Variants in ECE2 observed in about 807,000 individuals in gnomAD.
ECE2 encodes the protein endothelin-converting enzyme 2.
ECE2 carries 81 observed loss-of-function variants against 100.6 expected under a neutral mutation model. The observed-to-expected ratio is 0.81, with a 90% CI of 0.67 to 0.97. The LOEUF is 0.97. Ranked by LOEUF, ECE2 falls within the 50% of genes least tolerant of loss-of-function variation. ECE2 has a pLI of 0.00. For missense variants in ECE2, 911 were observed against 988.1 expected, an observed-to-expected ratio of 0.92 and a Z score of 1.05; for synonymous variants, 391 against 391.5, an observed-to-expected ratio of 1.00 and a Z score of 0.02.
At chr3:184,290,406 G>T in intron 14 of ECE2, 48 bp downstream of exon 14, 3 of 1,594,258 alleles carry the variant, frequency 1.9e-6, no homozygotes, top group Non-Finnish European at 2.6e-6. Flanking sequence ...CAGGAGAGGT[G>T]GGGGAAGGTT....
Position 184,291,291 on chromosome 3 carries a change from G to A in ECE2, c.2026-53G>A, listed in dbSNP as rs774785169. The A allele has an allele frequency of 2.0e-5, 31 of 1,588,966 alleles. No individual in the cohort carries two copies. Among genetic ancestry groups the A allele is most frequent in the South Asian group, 1.5e-4 (13 of 87,108 alleles). ...CTGCTGGCCTGGGGTGAAAGGTGCC[G>A]GGTGGGTGGGGGCAGGCCTGGATGG... is the stretch of plus-strand genomic sequence containing the variant. On this transcript the variant is annotated intron_variant, in intron 17 of 18. Transcript: ENST00000404464. The surrounding 1 kb of genome is among the most constrained non-coding windows in gnomAD (Gnocchi z 4.1).
intron 7 of ECE2, 80 bp from the exon 8 acceptor site, chr3:184,283,705 G>A (rs1041091890): frequency 2.1e-5 from 30 of 1,436,058 alleles, no homozygotes; most frequent in South Asian, 6.7e-5. Context: ...GAGATATTGG[G>A]CAGAGGTGGT....
At chr3:184,283,398 T>C (rs903362644) in intron 7 of ECE2, among the ~76,000 whole-genome samples, 1 of 150,810 alleles carries the variant, frequency 6.6e-6, no homozygotes, top group African/African-American at 2.4e-5. Context: ...CCGTCTCTAC[T>C]AAAAATACAA....
chr3:184,290,118 G>A (rs976898125), intron 13 of ECE2, 137 bp from the exon 14 acceptor site: 4 of 692,434 alleles, frequency 5.8e-6, no homozygotes, highest in Non-Finnish European at 9.8e-6. Flanking sequence ...TTTAAATATT[G>A]CCAATTATGG....
intron 7 of ECE2, among the ~76,000 whole-genome samples, chr3:184,280,276 A>G (rs1011954273): frequency 8.5e-5 from 13 of 152,166 alleles, no homozygotes; most frequent in African/African-American, 3.1e-4. Context: ...GCTTGGTGCA[A>G]GTTGATTAAT....
Position 184,290,645 on chromosome 3 carries a change from T to G in ECE2, c.1744T>G (p.Phe582Val), listed in dbSNP as rs368472029. Reference sequence around the variant, plus strand: ...CCCCGCTGGCATCCTGCAGGCCCCCTTCTATGCCCGCAACCACCCCAAGTG... The same window carrying G: ...CCCCGCTGGCATCCTGCAGGCCCCCGTCTATGCCCGCAACCACCCCAAGTG... ...VFPAGILQAPFYARNHPKALN... is the reference protein window; with the variant it reads ...VFPAGILQAPVYARNHPKALN... The change falls in exon 15 of 19, where the codon TTC (phenylalanine) becomes GTC (valine). Residue 582 changes from phenylalanine to valine, a missense_variant. Coordinates refer to ENST00000404464, the MANE Select transcript of ECE2 (RefSeq NM_001100121.2). 1 of 1,613,952 alleles carries G rather than the reference T, an allele frequency of 6.2e-7. No individual in the cohort carries two copies. Among genetic ancestry groups the G allele is most frequent in the African/African-American group, 1.3e-5 (1 of 74,892 alleles).
chr3:184,291,930 A>G lies in ECE2; in HGVS notation c.2122-132A>G, dbSNP rs1215227016. On this transcript the variant is annotated intron_variant, in intron 18 of 18. Coordinates refer to ENST00000404464, the MANE Select transcript of ECE2 (RefSeq NM_001100121.2). This position sits in a 1 kb window ranked among gnomAD's most constrained non-coding sequence, Gnocchi z 4.1. ...GTCCATGCTGGGCAACCCGATGTCC[A>G]GGGCAGTTTTGGAAGGAACTTGGGA... is the stretch of plus-strand genomic sequence containing the variant. The G allele has an allele frequency of 9.7e-7, 1 of 1,033,834 alleles. No individual in the cohort carries two copies. Among genetic ancestry groups the G allele is most frequent in the Non-Finnish European group, 1.4e-6 (1 of 709,652 alleles). The allele number at this position is 1,033,834 out of a possible 1,614,324, so 64.0% of individuals were successfully genotyped here. A position where few individuals can be genotyped will look rare whatever the true frequency, so the allele number is the denominator to read the frequency against.
intron 7 of ECE2, among the ~76,000 whole-genome samples, chr3:184,282,452 T>C (rs1038740852): frequency 6.6e-6 from 1 of 152,122 alleles, no homozygotes; most frequent in African/African-American, 2.4e-5. Flanking sequence ...GGAGGAGGGT[T>C]AAGGGAATTG....
chr3:184,292,066 G>A lies in ECE2; in HGVS notation c.2126G>A (p.Trp709Ter). The A allele has an allele frequency of 6.2e-7, 1 of 1,611,698 alleles. No individual in the cohort carries two copies. Among genetic ancestry groups the A allele is most frequent in the South Asian group, 1.1e-5 (1 of 90,954 alleles). ...QLFFVGFAQV[W>*]CSVRTPESSH... is the part of the protein sequence containing the mutation. ...CATGTCTGTCCTGGCCCGCAGGTGTGGTGCTCGGTCCGCACACCAGAGAGC... is the reference window on the plus strand; with the variant it reads ...CATGTCTGTCCTGGCCCGCAGGTGTAGTGCTCGGTCCGCACACCAGAGAGC... Residue 709 changes from tryptophan to a stop codon, truncating the protein, a stop_gained, in exon 19 of 19, where the codon TGG (tryptophan) becomes TAG (stop). Transcript: ENST00000404464. LOFTEE classifies it high-confidence loss of function.
chr3:184,278,416 C>G, intron 6 of ECE2, 76 bp from the exon 7 acceptor site: 18 of 1,592,202 alleles, frequency 1.1e-5, no homozygotes, highest in South Asian at 4.6e-5. Context: ...CCGGCCCCAC[C>G]CCTACCCCCG....
chr3:184,276,119 G>A lies in ECE2; in HGVS notation c.-35G>A, dbSNP rs570076630. On this transcript the variant is annotated 5_prime_UTR_variant, in exon 1 of 19. Transcript: ENST00000404464. Reference sequence around the variant, plus strand: ...GCGGCCCGGGAGCGGGCCAGCTGCCGGGAGCCCTGAATCACCGCCTGGCCC... The same window carrying A: ...GCGGCCCGGGAGCGGGCCAGCTGCCAGGAGCCCTGAATCACCGCCTGGCCC... The A allele has an allele frequency of 3.8e-6, 5 of 1,307,216 alleles. No individual in the cohort carries two copies. The highest frequency in any genetic ancestry group is 4.6e-5 in the South Asian group (2 of 43,770). 81.0% of individuals were successfully genotyped at this position (1,307,216 alleles called of 1,614,324 possible). A position where few individuals can be genotyped will look rare whatever the true frequency, so the allele number is the denominator to read the frequency against.
At chr3:184,279,309 CA>C (rs60647349) in intron 7 of ECE2, among the ~76,000 whole-genome samples, 11,185 of 78,834 alleles carry the variant, frequency 0.14, 464 homozygotes, top group African/African-American at 0.26. Context: ...GACTCCGACT[CA>C]AAAAAAAAAA....
At chr3:184,278,634 A>G in intron 7 of ECE2, 77 bp downstream of exon 7, 1 of 1,533,376 alleles carries the variant, frequency 6.5e-7, no homozygotes, top group Non-Finnish European at 9.0e-7. Flanking sequence ...TCCCTTTGCC[A>G]AGGGTCAGAG....
chr3:184,277,237 G>A lies in ECE2; in HGVS notation c.263-14G>A. ...TGACAGTCTCCTACCCTCCGGCCAT[G>A]TTCCCTACCACAGACCCATCCCACA... is the stretch of plus-strand genomic sequence containing the variant. On this transcript the variant is annotated splice_polypyrimidine_tract_variant and intron_variant, in intron 3 of 18. Transcript: ENST00000404464. 3 of 1,614,142 alleles carry A rather than the reference G, an allele frequency of 1.9e-6. No homozygotes were observed. Among genetic ancestry groups the A allele is most frequent in the Non-Finnish European group, 1.7e-6 (2 of 1,179,984 alleles).
rs1472870010 is a variant in ECE2 at position 184,291,769 on chromosome 3, G to A, written c.2122-293G>A. On this transcript the variant is annotated intron_variant, in intron 18 of 18. Coordinates refer to ENST00000404464, the MANE Select transcript of ECE2 (RefSeq NM_001100121.2). The surrounding 1 kb of genome is among the most constrained non-coding windows in gnomAD (Gnocchi z 4.1). ...CCTGTGAGGGAGACATGCAGGAAAC[G>A]AAAGCTCGGGACGCAGAGTGGCCTG... The A allele has an allele frequency of 1.4e-5, 7 of 512,678 alleles. No individual in the cohort carries two copies. The highest frequency in any genetic ancestry group is 9.0e-5 in the East Asian group (3 of 33,340). 31.8% of individuals were successfully genotyped at this position (512,678 alleles called of 1,614,324 possible).
At position 184,292,270 on chromosome 3, in the gene ECE2, A is replaced by T; in HGVS notation, c.*32A>T. On this transcript the variant is annotated 3_prime_UTR_variant, in exon 19 of 19. Transcript: ENST00000404464. ...ATCAGGGGAGAAATGGCCAGCTGTC[A>T]CCAGACCTGGGGCAGCTCTCCTGAC... is the stretch of plus-strand genomic sequence containing the variant. 6.2e-7 allele frequency: 1 copy of T among 1,610,136 alleles called. No individual in the cohort carries two copies. The highest frequency in any genetic ancestry group is 8.5e-7 in the Non-Finnish European group (1 of 1,177,050).
At chr3:184,283,556 C>A (rs1237467052) in intron 7 of ECE2, among the ~76,000 whole-genome samples, 4 of 50,386 alleles carry the variant, frequency 7.9e-5, no homozygotes, top group African/African-American at 2.8e-4. Context: ...AGTGAGACTC[C>A]ATCTCAAAAA....
rs1384590909 is a variant in ECE2 at position 184,291,143 on chromosome 3, A to T, written c.1938A>T (p.Gln646His). The T allele has an allele frequency of 6.2e-7, 1 of 1,613,688 alleles. No homozygotes were observed. The highest frequency in any genetic ancestry group is 8.5e-7 in the Non-Finnish European group (1 of 1,179,908). The change falls in exon 17 of 19, where the codon CAA (glutamine) becomes CAT (histidine). Residue 646 changes from glutamine to histidine, a missense_variant. By Grantham distance (24) the Gln-to-His change is conservative. Transcript: ENST00000404464. This position sits in a 1 kb window ranked among gnomAD's most constrained non-coding sequence, Gnocchi z 4.1. ...HTACMEEQYN[Q>H]YQVNGERLNG... ...CCTGCATGGAGGAACAGTACAATCA[A>T]TACCAGGTCAATGGGGAGAGGCTCA... is the stretch of plus-strand genomic sequence containing the variant.
intron 1 of ECE2, 24 bp downstream of exon 1, chr3:184,276,216 C>T: frequency 1.4e-6 from 2 of 1,438,358 alleles, no homozygotes; most frequent in Non-Finnish European, 9.1e-7. Flanking sequence ...CCGGGCTCCA[C>T]GGGAGGGGAC....
Sources: gnomAD v4.1 joint callset for allele counts (sites outside exome capture counted in the v4.1 genomes callset) on GRCh38, gnomAD v4.1.1 for gene constraint, Gnocchi (gnomAD v3.1) non-coding constraint, MANE v1.5 for transcripts, NCBI Gene and HGNC (gene_info 2026-07-23, HGNC 2026-07-21) for gene names.